NRG1: variants seen among roughly 807,000 people sequenced by gnomAD.
NRG1 encodes pro-neuregulin-1, membrane-bound isoform.
A neutral mutation model predicts 63.8 loss-of-function variants in NRG1; 18 were observed. The ratio of observed to expected loss-of-function variants is 0.28; its 90% CI spans 0.19 to 0.42. NRG1 has a LOEUF of 0.42. Ranked by LOEUF, NRG1 falls within the 10% of genes least tolerant of loss-of-function variation. The pLI is 1.00. For synonymous variants in NRG1, 302 were observed against 301.3 expected, an observed-to-expected ratio of 1.00 and a Z score of -0.02; for missense variants, 762 against 814.7, an observed-to-expected ratio of 0.94 and a Z score of 0.79.
chr8:32,027,011 A>G (rs117135584), intron 1 of NRG1, among the ~76,000 whole-genome samples: 2,069 of 152,170 alleles, frequency 0.014, 15 homozygotes, highest in Middle Eastern at 0.038. Context: ...TATTAGTTTC[A>G]TAAGGCTATT....
At chr8:31,729,943 A>G (rs1813849138) in intron 1 of NRG1, among the ~76,000 whole-genome samples, 1 of 152,136 alleles carries the variant, frequency 6.6e-6, no homozygotes, top group Admixed American at 6.6e-5. Flanking sequence ...AAGTGGGACC[A>G]GAGAAAAATT....
At chr8:31,873,261 G>C (rs989215715) in intron 1 of NRG1, among the ~76,000 whole-genome samples, 1 of 152,068 alleles carries the variant, frequency 6.6e-6, no homozygotes, top group African/African-American at 2.4e-5. Flanking sequence ...AATAAAATCA[G>C]TATTAAAAAC....
intron 1 of NRG1, among the ~76,000 whole-genome samples, chr8:31,959,155 T>C (rs2129625341): frequency 6.6e-6 from 1 of 152,356 alleles, no homozygotes; most frequent in South Asian, 2.1e-4. Flanking sequence ...CTTTCCCTTT[T>C]ACTACTCTAA....
intron 1 of NRG1, among the ~76,000 whole-genome samples, chr8:31,988,179 A>G (rs1354072101): frequency 1.3e-5 from 2 of 152,098 alleles, no homozygotes. Context: ...TAGGGACAAA[A>G]TGGTATTCAC....
At chr8:32,609,018 G>C (rs1010578950) in intron 3 of NRG1, among the ~76,000 whole-genome samples, 1 of 152,102 alleles carries the variant, frequency 6.6e-6, no homozygotes, top group African/African-American at 2.4e-5. Context: ...CTGGTCATAC[G>C]TCCACTGCTG....
intron 1 of NRG1, among the ~76,000 whole-genome samples, chr8:32,212,905 G>A (rs773133270): frequency 1.3e-5 from 2 of 152,150 alleles, no homozygotes; most frequent in Non-Finnish European, 2.9e-5. Context: ...TGTTGGCTTG[G>A]TAAAATGAAT....
At chr8:31,973,761 T>C (rs1006806949) in intron 1 of NRG1, among the ~76,000 whole-genome samples, 4 of 152,216 alleles carry the variant, frequency 2.6e-5, no homozygotes, top group African/African-American at 9.6e-5. Context: ...AATTTCCTGA[T>C]AATGGTTTGT....
intron 1 of NRG1, among the ~76,000 whole-genome samples, chr8:32,498,015 G>A (rs2129495928): frequency 6.6e-6 from 1 of 152,150 alleles, no homozygotes; most frequent in African/African-American, 2.4e-5. Flanking sequence ...TAGAGACTGG[G>A]TTTCTCCATG....
intron 6 of NRG1, among the ~76,000 whole-genome samples, chr8:32,737,125 A>G (rs1324401010): frequency 6.6e-6 from 1 of 152,184 alleles, no homozygotes; most frequent in East Asian, 1.9e-4. Context: ...TATTTCACTA[A>G]TAGTATTTAA....
intron 1 of NRG1, among the ~76,000 whole-genome samples, chr8:31,876,547 G>A (rs192697991): frequency 2.5e-4 from 38 of 152,258 alleles, no homozygotes; most frequent in Admixed American, 9.2e-4. Flanking sequence ...TGGGTGAATG[G>A]AAGAGTAAAT....
At chr8:32,560,614 G>C (rs1431201532) in intron 1 of NRG1, among the ~76,000 whole-genome samples, 1 of 152,210 alleles carries the variant, frequency 6.6e-6, no homozygotes, top group Non-Finnish European at 1.5e-5. Context: ...AGCAGTATCA[G>C]TGATGCATGG....
intron 1 of NRG1, among the ~76,000 whole-genome samples, chr8:31,932,074 C>G (rs775735649): frequency 6.6e-6 from 1 of 151,974 alleles, no homozygotes; most frequent in Non-Finnish European, 1.5e-5. Context: ...AGGCTCATCT[C>G]CTTTCCCCCC....
At chr8:32,174,942 A>G (rs1426806711) in intron 1 of NRG1, among the ~76,000 whole-genome samples, 2 of 152,218 alleles carry the variant, frequency 1.3e-5, no homozygotes, top group Admixed American at 6.5e-5. Context: ...AACTATTCCA[A>G]TCAATAGAAA....
chr8:32,134,886 GAAAC>G (rs1161489594), intron 1 of NRG1, among the ~76,000 whole-genome samples: 1 of 151,928 alleles, frequency 6.6e-6, no homozygotes, highest in Non-Finnish European at 1.5e-5. Flanking sequence ...TGTCTCTAAA[GAAAC>G]AAACAAACAA....
At chr8:32,046,075 G>C (rs1428316775) in intron 1 of NRG1, among the ~76,000 whole-genome samples, 1 of 151,860 alleles carries the variant, frequency 6.6e-6, no homozygotes, top group African/African-American at 2.4e-5. Context: ...AGATATATTT[G>C]AAAACTCTTA....
intron 1 of NRG1, among the ~76,000 whole-genome samples, chr8:31,917,368 G>A (rs1414529176): frequency 6.6e-6 from 1 of 150,638 alleles, no homozygotes; most frequent in Non-Finnish European, 1.5e-5. Context: ...AATCCATCTT[G>A]AATTGATTTT....
chr8:31,640,960 T>TGGG lies in NRG1; in HGVS notation c.37+1531_37+1533dup, dbSNP rs1803710808. ...AGAAAGCCCAAGTTTAGTCCTGGGT[T>TGGG]GGGGCCTCCTGAAACTTTTTAATCC... On this transcript the variant is annotated intron_variant, in intron 1 of 10. Transcript: ENST00000519301. The surrounding 1 kb of genome is among the most constrained non-coding windows in gnomAD (Gnocchi z 6.3). Among the ~76,000 whole-genome samples the TGGG allele has an allele frequency of 6.6e-6, 1 of 152,226 alleles. No individual in the cohort carries two copies. The highest frequency in any genetic ancestry group is 1.5e-5 in the Non-Finnish European group (1 of 68,032).
chr8:31,759,591 G>T (rs1817325267), intron 1 of NRG1, among the ~76,000 whole-genome samples: 1 of 151,976 alleles, frequency 6.6e-6, no homozygotes, highest in Non-Finnish European at 1.5e-5. Context: ...TTGTCTATTT[G>T]TCTACTGTAT....
intron 1 of NRG1, among the ~76,000 whole-genome samples, chr8:31,859,853 A>T (rs531424194): frequency 6.6e-6 from 1 of 152,216 alleles, no homozygotes; most frequent in Non-Finnish European, 1.5e-5. Flanking sequence ...ATCGAACTTA[A>T]TTCCATTTTA....
Sources: allele counts gnomAD v4.1 joint callset (sites outside exome capture counted in the v4.1 genomes callset), GRCh38; gene constraint gnomAD v4.1.1; non-coding constraint Gnocchi (gnomAD v3.1); transcripts MANE v1.5; gene names NCBI Gene and HGNC (gene_info 2026-07-23, HGNC 2026-07-21).